Variants in LUZP2 observed in about 807,000 individuals in gnomAD.
LUZP2 encodes the protein leucine zipper protein 2.
LUZP2 carries 52 observed loss-of-function variants against 51.6 expected under a neutral mutation model. That is an observed-to-expected ratio of 1.01 (90% confidence interval 0.81 to 1.27). The LOEUF is 1.27. LUZP2 is among the 50% of genes most tolerant of loss of function. The pLI is 0.00. For missense variants in LUZP2, 436 were observed against 395.4 expected, an observed-to-expected ratio of 1.10 and a Z score of -0.87; for synonymous variants, 154 against 137.3, an observed-to-expected ratio of 1.12 and a Z score of -0.85.
rs113963103 is a variant in LUZP2, at chr11:25,056,854, G to T, written c.858+6724G>T. 1.0e-2 allele frequency among the ~76,000 whole-genome samples: 1,516 copies of T among 152,142 alleles called. 24 individuals carry two copies. The highest frequency in any genetic ancestry group is 0.034 in the African/African-American group (1,406 of 41,524). On this transcript the variant is annotated intron_variant, in intron 10 of 11. Transcript: ENST00000336930. ...CGTGGCTCATGCCTGTAATCCCGGC[G>T]CTTTGGGAGCCCAAGGTGGGCAGAT...
At chr11:25,067,233 T>G (rs1859023912) in intron 10 of LUZP2, among the ~76,000 whole-genome samples, 1 of 152,068 alleles carries the variant, frequency 6.6e-6, no homozygotes. Flanking sequence ...ATGAAGTTGT[T>G]TTTTTCTGTA....
At chr11:24,874,600 A>C (rs1852187855) in intron 5 of LUZP2, among the ~76,000 whole-genome samples, 1 of 152,172 alleles carries the variant, frequency 6.6e-6, no homozygotes, top group South Asian at 2.1e-4. Context: ...CAGTGTAAGA[A>C]ATATTGACTA....
chr11:24,643,672 T>G (rs111322464), intron 1 of LUZP2, among the ~76,000 whole-genome samples: 380 of 152,332 alleles, frequency 2.5e-3, no homozygotes, highest in African/African-American at 8.8e-3. Flanking sequence ...CCCCAAGCAC[T>G]TGCTTTGTAA....
At chr11:24,571,627 G>A (rs1852446178) in intron 1 of LUZP2, among the ~76,000 whole-genome samples, 1 of 152,004 alleles carries the variant, frequency 6.6e-6, no homozygotes, top group Non-Finnish European at 1.5e-5. Flanking sequence ...AAATTAATAG[G>A]TAATTTGGTG....
chr11:24,752,409 G>A (rs553023679), intron 4 of LUZP2, among the ~76,000 whole-genome samples: 20 of 152,268 alleles, frequency 1.3e-4, no homozygotes, highest in Non-Finnish European at 2.4e-4. Flanking sequence ...TGGAAGTGTT[G>A]CCAGAGAAAG....
chr11:25,028,830 A>G (rs192292750), intron 9 of LUZP2, among the ~76,000 whole-genome samples: 158 of 152,232 alleles, frequency 1.0e-3, no homozygotes, highest in African/African-American at 3.6e-3. Context: ...TCTTGACTAT[A>G]ATTAATCTTG....
chr11:24,805,942 C>G (rs370118184), intron 5 of LUZP2, among the ~76,000 whole-genome samples: 59 of 152,252 alleles, frequency 3.9e-4, no homozygotes, highest in African/African-American at 1.4e-3. Context: ...TTCCACATTT[C>G]TGTCCTGCAA....
At chr11:24,843,780 T>C (rs1404514782) in intron 5 of LUZP2, among the ~76,000 whole-genome samples, 3 of 152,092 alleles carry the variant, frequency 2.0e-5, no homozygotes, top group African/African-American at 7.2e-5. Context: ...CCTGTACTGT[T>C]CTCATGATAG....
At chr11:24,963,149 G>A (rs1590781025) in intron 7 of LUZP2, among the ~76,000 whole-genome samples, 1 of 152,150 alleles carries the variant, frequency 6.6e-6, no homozygotes, top group African/African-American at 2.4e-5. Flanking sequence ...GTACCCGGCC[G>A]TGTGAAGTGT....
chr11:24,565,187 G>A (rs189694546), intron 1 of LUZP2, among the ~76,000 whole-genome samples: 4 of 152,226 alleles, frequency 2.6e-5, no homozygotes, highest in African/African-American at 9.6e-5. Context: ...GGATGTAGTC[G>A]CCCTCTGAAC....
At chr11:24,656,924 G>A (rs1186247416) in intron 1 of LUZP2, among the ~76,000 whole-genome samples, 1 of 152,120 alleles carries the variant, frequency 6.6e-6, no homozygotes, top group Non-Finnish European at 1.5e-5. Flanking sequence ...CTTAATGTCT[G>A]TAACTTTATT....
intron 4 of LUZP2, among the ~76,000 whole-genome samples, chr11:24,739,559 T>C (rs950096837): frequency 1.3e-5 from 2 of 152,036 alleles, no homozygotes; most frequent in Non-Finnish European, 2.9e-5. Flanking sequence ...GAAGAACAAA[T>C]GTTAAAGCAT....
intron 1 of LUZP2, among the ~76,000 whole-genome samples, chr11:24,657,081 TGATTTGCATTATTTA>T (rs1394230441): frequency 4.6e-5 from 7 of 152,164 alleles, no homozygotes; most frequent in African/African-American, 1.7e-4. Flanking sequence ...GAAACTGACT[TGATTTGCATTATTTA>T]GAAAGATATT....
chr11:24,764,375 G>A (rs901378382), intron 5 of LUZP2, among the ~76,000 whole-genome samples: 1 of 151,276 alleles, frequency 6.6e-6, no homozygotes, highest in Non-Finnish European at 1.5e-5. Context: ...AAACCACTAG[G>A]CTGGGCACAG....
intron 5 of LUZP2, among the ~76,000 whole-genome samples, chr11:24,785,117 C>G (rs956441413): frequency 2.0e-5 from 3 of 152,022 alleles, no homozygotes; most frequent in Non-Finnish European, 4.4e-5. Flanking sequence ...TGGAAGATAT[C>G]TCTTCTATGA....
intron 10 of LUZP2, among the ~76,000 whole-genome samples, chr11:25,054,003 GT>G (rs757601628): frequency 5.9e-5 from 9 of 152,048 alleles, no homozygotes; most frequent in Non-Finnish European, 1.2e-4. Context: ...GCCTCTTGGA[GT>G]TTTTGTATTT....
intron 7 of LUZP2, among the ~76,000 whole-genome samples, chr11:24,954,732 G>T (rs528843493): frequency 6.6e-6 from 1 of 151,918 alleles, no homozygotes; most frequent in African/African-American, 2.4e-5. Context: ...ACATTCTATT[G>T]GTGTACATCC....
intron 9 of LUZP2, among the ~76,000 whole-genome samples, chr11:24,991,286 G>A (rs1309503504): frequency 2.0e-5 from 3 of 151,348 alleles, no homozygotes; most frequent in Non-Finnish European, 2.9e-5. Context: ...AGGTTGCTGC[G>A]AATGCCATTA....
chr11:24,975,260 A>G (rs1855854004), intron 7 of LUZP2, among the ~76,000 whole-genome samples: 1 of 152,062 alleles, frequency 6.6e-6, no homozygotes, highest in Admixed American at 6.6e-5. Flanking sequence ...GATGAGTAAT[A>G]TTTGCTGAAT....
Sources: allele counts gnomAD v4.1 joint callset (sites outside exome capture counted in the v4.1 genomes callset), GRCh38; gene constraint gnomAD v4.1.1; transcripts MANE v1.5; gene names NCBI Gene and HGNC (gene_info 2026-07-23, HGNC 2026-07-21).